The following RPP30 variants were observed in gnomAD, a reference collection of about 807,000 sequenced individuals.
RPP30 encodes the protein ribonuclease P/MRP subunit p30.
A neutral mutation model predicts 38.6 loss-of-function variants in RPP30; 36 were observed. That is an observed-to-expected ratio of 0.93 (90% CI 0.71 to 1.23). The LOEUF (loss-of-function observed/expected upper bound fraction) is 1.23. Among genes scored for constraint, RPP30 ranks in the 50% most tolerant of loss-of-function variants. The pLI is 0.00. For missense variants in RPP30, 321 were observed against 321.7 expected, an observed-to-expected ratio of 1.00 and a Z score of 0.02; for synonymous variants, 126 against 112.7, an observed-to-expected ratio of 1.12 and a Z score of -0.75.
At chr10:90,884,079 A>G (rs780993112) in intron 5 of RPP30, among the ~76,000 whole-genome samples, 4 of 152,124 alleles carry the variant, frequency 2.6e-5, no homozygotes, top group Non-Finnish European at 5.9e-5. Flanking sequence ...GGCATATTCC[A>G]TCATATAAAG....
In RPP30 at chr10:90,901,904, C is replaced by T. The variant is rs377633675; in HGVS notation, c.*1225C>T. On this transcript the variant is annotated 3_prime_UTR_variant, in exon 11 of 11. Transcript: ENST00000371703. ...CTCGATCTCTGCTCACTGCAAGCTC[C>T]GCCTCCTGGGTTCATGCCATTCTCC... The T allele has an allele frequency of 2.4e-4, 125 of 518,178 alleles. No individual in the cohort carries two copies. Among genetic ancestry groups the T allele is most frequent in the African/African-American group, 2.4e-3 (112 of 47,172 alleles). 32.1% of individuals were successfully genotyped at this position (518,178 alleles called of 1,614,324 possible).
chr10:90,900,051 A>G (rs889792566), intron 10 of RPP30, among the ~76,000 whole-genome samples: 4 of 152,236 alleles, frequency 2.6e-5, no homozygotes, highest in African/African-American at 7.2e-5. Flanking sequence ...CATTAACTCA[A>G]CTAGTATTTA....
chr10:90,882,491 G>A (rs1015814834), intron 5 of RPP30, among the ~76,000 whole-genome samples: 5 of 150,676 alleles, frequency 3.3e-5, no homozygotes, highest in East Asian at 2.0e-4. Flanking sequence ...GTGAAACCCC[G>A]ACTCCACTAA....
In RPP30 at chr10:90,894,949, C is replaced by T. The variant is rs777351806; in HGVS notation, c.549+58C>T. 10 of 1,126,440 alleles carry T rather than the reference C, an allele frequency of 8.9e-6. No individual in the cohort carries two copies. The East Asian group carries it at 2.4e-4, about 27-fold the overall frequency. 69.8% of individuals were successfully genotyped at this position (1,126,440 alleles called of 1,614,324 possible). A position where few individuals can be genotyped will look rare whatever the true frequency, so the allele number is the denominator to read the frequency against. On this transcript the variant is annotated intron_variant, in intron 7 of 10. Transcript: ENST00000371703. ...ATCTGGCAGTTTATTATTAGTAGTA[C>T]ACTGGAATTGTCAAACTGACTCCTT... is the stretch of plus-strand genomic sequence containing the variant.
At chr10:90,874,976 C>G (rs746983960) in intron 2 of RPP30, 52 bp downstream of exon 2, 4 of 1,160,370 alleles carry the variant, frequency 3.4e-6, no homozygotes, top group Non-Finnish European at 5.0e-6. Context: ...ATTTGTAATT[C>G]TGTTTGTATT....
chr10:90,889,894 A>G (rs1847052958), intron 6 of RPP30, among the ~76,000 whole-genome samples: 1 of 152,348 alleles, frequency 6.6e-6, no homozygotes, highest in East Asian at 1.9e-4. Context: ...GTAACTTGTC[A>G]TCGCATTTCT....
At chr10:90,879,813 A>T (rs1022165803) in intron 5 of RPP30, among the ~76,000 whole-genome samples, 1 of 152,200 alleles carries the variant, frequency 6.6e-6, no homozygotes. Context: ...TACAGTAAGG[A>T]AAAAACAACT....
rs769523183 is a variant in RPP30, at chr10:90,879,162, A to T, written c.342+28A>T. On this transcript the variant is annotated intron_variant, in intron 5 of 10. Coordinates refer to ENST00000371703, the MANE Select transcript of RPP30 (RefSeq NM_006413.5). ...GAGTAACAGATAAGTAAAAGAAAGT[A>T]GTGTATATATGTTATATAAGAAGTC... 5 of 1,542,526 alleles carry T rather than the reference A, an allele frequency of 3.2e-6. No homozygotes were observed. In the East Asian group the frequency reaches 1.1e-4, roughly 35 times the overall value.
Position 90,890,221 on chromosome 10 carries a change from T to C in RPP30, c.432+4320T>C, listed in dbSNP as rs75109031. Among the ~76,000 whole-genome samples the C allele has an allele frequency of 6.8e-3, 1,039 of 152,346 alleles. 12 individuals are homozygous for C. The highest frequency in any genetic ancestry group is 0.023 in the African/African-American group (973 of 41,574). ...AAAGTTACTTTACAGCAGAACTCTT[T>C]GTTAAGCACAGAGTAATTTCATATT... On this transcript the variant is annotated intron_variant, in intron 6 of 10. Transcript: ENST00000371703.
chr10:90,877,582 C>T (rs1470764345), intron 4 of RPP30, among the ~76,000 whole-genome samples: 1 of 150,818 alleles, frequency 6.6e-6, no homozygotes, highest in Non-Finnish European at 1.5e-5. Context: ...AATGAAAGGT[C>T]AGCAGGGTCA....
intron 5 of RPP30, chr10:90,880,283 A>C (rs1043719123): frequency 2.6e-5 from 4 of 151,962 alleles, no homozygotes; most frequent in African/African-American, 9.7e-5. Flanking sequence ...CAGTAGATGG[A>C]GCTGTTGACT....
intron 10 of RPP30, among the ~76,000 whole-genome samples, chr10:90,898,559 T>A (rs1035816948): frequency 1.3e-5 from 2 of 152,138 alleles, no homozygotes; most frequent in African/African-American, 2.4e-5. Flanking sequence ...GAGTGCCACA[T>A]TTAAGAAGGA....
intron 4 of RPP30, among the ~76,000 whole-genome samples, chr10:90,878,420 A>G (rs1002264572): frequency 6.6e-6 from 1 of 152,176 alleles, no homozygotes; most frequent in Non-Finnish European, 1.5e-5. Context: ...TTGTGTATAA[A>G]TGTATTTTTT....
At chr10:90,884,321 T>G (rs533844399) in intron 5 of RPP30, among the ~76,000 whole-genome samples, 446 of 152,360 alleles carry the variant, frequency 2.9e-3, no homozygotes, top group South Asian at 0.017. Context: ...AAAATTTTGG[T>G]AGCCATTGCT....
At chr10:90,881,935 CA>C (rs919129457) in intron 5 of RPP30, among the ~76,000 whole-genome samples, 1 of 152,136 alleles carries the variant, frequency 6.6e-6, no homozygotes, top group African/African-American at 2.4e-5. Context: ...TAAATAGCAT[CA>C]TTTCCATGGG....
downstream of RPP30, among the ~76,000 whole-genome samples, chr10:90,902,672 C>A (rs950491945): frequency 1.3e-5 from 2 of 152,080 alleles, no homozygotes; most frequent in Non-Finnish European, 2.9e-5. Context: ...AAACCCATGG[C>A]AAAATTAAAG....
At position 90,897,295 on chromosome 10, in the gene RPP30, A is replaced by T. The variant is rs1195072450; in HGVS notation, c.697+903A>T. The stretch of plus-strand genomic sequence containing the variant: ...ATCACCCAAGTGAATTTTAAACTTC[A>T]AAGTAGATTGCTACATATAGACTGA... On this transcript the variant is annotated intron_variant, in intron 10 of 10. Coordinates refer to ENST00000371703, the MANE Select transcript of RPP30 (RefSeq NM_006413.5). Among the ~76,000 whole-genome samples, 3 of 152,242 alleles carry T rather than the reference A, an allele frequency of 2.0e-5. 1 individual carries two copies.
At chr10:90,896,028 CCAA>C in intron 9 of RPP30, 111 bp downstream of exon 9, 1 of 820,478 alleles carries the variant, frequency 1.2e-6, no homozygotes, top group East Asian at 2.6e-5. Flanking sequence ...TGTAAGTTTA[CCAA>C]TTAATAACTT....
downstream of RPP30, among the ~76,000 whole-genome samples, chr10:90,903,454 G>A (rs192628190): frequency 3.9e-5 from 6 of 152,258 alleles, no homozygotes; most frequent in Admixed American, 1.3e-4. Flanking sequence ...TTGCAGATAC[G>A]ACTGTCTTGG....
Sources: allele counts gnomAD v4.1 joint callset (sites outside exome capture counted in the v4.1 genomes callset), GRCh38; gene constraint gnomAD v4.1.1; transcripts MANE v1.5; gene names NCBI Gene and HGNC (gene_info 2026-07-23, HGNC 2026-07-21).